Variants in PPFIA2 observed in about 807,000 individuals in gnomAD.
The protein encoded by PPFIA2 is liprin-alpha-2.
PPFIA2 carries 46 observed loss-of-function variants against 175.5 expected under a neutral mutation model. That is an observed-to-expected ratio of 0.26 (90% confidence interval 0.21 to 0.34). PPFIA2 has a LOEUF of 0.34. PPFIA2 is among the 10% of genes least tolerant of loss of function. The probability of loss-of-function intolerance (pLI) is 1.00; values close to 1 mark genes in which losing one functional copy is unlikely to be tolerated. For missense variants in PPFIA2, 1,179 were observed against 1,506.1 expected (o/e 0.78, Z 3.60); for synonymous variants, 568 against 511.4 (o/e 1.11, Z -1.49).
chr12:81,381,983 C>A (rs530878013), intron 9 of PPFIA2, among the ~76,000 whole-genome samples: 1 of 151,984 alleles, frequency 6.6e-6, no homozygotes, highest in Non-Finnish European at 1.5e-5. Context: ...AAGAAAAAAA[C>A]CCTAGCTCTT....
chr12:81,723,362 T>C (rs780095814), intron 3 of PPFIA2, among the ~76,000 whole-genome samples: 1 of 151,132 alleles, frequency 6.6e-6, no homozygotes, highest in Non-Finnish European at 1.5e-5. Context: ...AATGAAATGA[T>C]ATATGACACA....
At chr12:81,758,942 A>G (rs1226787812) in intron 1 of PPFIA2, among the ~76,000 whole-genome samples, 1 of 152,032 alleles carries the variant, frequency 6.6e-6, no homozygotes, top group Admixed American at 6.5e-5. Flanking sequence ...AGTATCTGGG[A>G]GAGAAGTTCT....
chr12:81,383,431 T>C (rs953608419), intron 9 of PPFIA2, among the ~76,000 whole-genome samples: 1 of 152,076 alleles, frequency 6.6e-6, no homozygotes, highest in Non-Finnish European at 1.5e-5. Flanking sequence ...AAACATCTCC[T>C]AGTATTTTTT....
chr12:81,624,330 T>C (rs1005326459), intron 4 of PPFIA2, among the ~76,000 whole-genome samples: 2 of 150,702 alleles, frequency 1.3e-5, no homozygotes, highest in African/African-American at 4.9e-5. Context: ...ACCAGTCCAA[T>C]CCTATAATCT....
intron 15 of PPFIA2, among the ~76,000 whole-genome samples, chr12:81,360,081 C>A (rs1046421535): frequency 2.0e-5 from 3 of 151,868 alleles, no homozygotes; most frequent in African/African-American, 7.2e-5. Flanking sequence ...GTTTTAAGGT[C>A]TCAGTTTAAA....
chr12:81,372,708 C>T (rs554921184), intron 11 of PPFIA2, among the ~76,000 whole-genome samples: 96 of 150,628 alleles, frequency 6.4e-4, no homozygotes, highest in African/African-American at 2.2e-3. Context: ...AAGGAGCTTT[C>T]ATAATGAATA....
At chr12:81,371,338 T>C (rs985833281) in intron 11 of PPFIA2, among the ~76,000 whole-genome samples, 1 of 29,942 alleles carries the variant, frequency 3.3e-5, no homozygotes, top group African/African-American at 1.3e-4. Flanking sequence ...TGGATCAAAA[T>C]GTTGTTGAAA....
chr12:81,565,556 T>C (rs11114915), intron 4 of PPFIA2, among the ~76,000 whole-genome samples: 15,049 of 152,194 alleles, frequency 0.099, 895 homozygotes, highest in Middle Eastern at 0.18. Context: ...CACTAACTAA[T>C]ACAACTGCAT....
chr12:81,517,216 C>T lies in PPFIA2; in HGVS notation c.304-59350G>A, dbSNP rs566510721. On this transcript the variant is annotated intron_variant, in intron 4 of 32. Transcript: ENST00000549396. ...TTGTCACACATGTTAAATGTCTTAC[C>T]GAATCACTGGTAGGGATGATTAAAT... Among the ~76,000 whole-genome samples, 11 of 151,306 alleles carry T rather than the reference C, an allele frequency of 7.3e-5. No homozygotes were observed. The South Asian group carries it at 1.3e-3, about 17-fold the overall frequency.
chr12:81,519,132 A>G (rs956705369), intron 4 of PPFIA2, among the ~76,000 whole-genome samples: 1 of 152,180 alleles, frequency 6.6e-6, no homozygotes, highest in Admixed American at 6.5e-5. Flanking sequence ...TACCTTTTAA[A>G]TGGAAATTAC....
chr12:81,629,990 T>C (rs2063178396), intron 4 of PPFIA2, among the ~76,000 whole-genome samples: 1 of 152,176 alleles, frequency 6.6e-6, no homozygotes, highest in Non-Finnish European at 1.5e-5. Flanking sequence ...ACAAAGTTTC[T>C]TATAAGAGAG....
chr12:81,561,356 T>C (rs1189996250), intron 4 of PPFIA2, among the ~76,000 whole-genome samples: 4 of 152,198 alleles, frequency 2.6e-5, no homozygotes, highest in African/African-American at 4.8e-5. Flanking sequence ...GGCTTTTTAA[T>C]ATGATAGGCA....
At chr12:81,457,924 T>C (rs1197098383) in intron 4 of PPFIA2, 58 bp from the exon 5 acceptor site, 14 of 1,179,366 alleles carry the variant, frequency 1.2e-5, no homozygotes, top group Non-Finnish European at 1.3e-5. Flanking sequence ...CAGAAAAAAA[T>C]TCAAAATATA....
At chr12:81,493,499 T>C (rs982030041) in intron 4 of PPFIA2, among the ~76,000 whole-genome samples, 1 of 151,860 alleles carries the variant, frequency 6.6e-6, no homozygotes, top group Non-Finnish European at 1.5e-5. Context: ...CTCTGAGAAA[T>C]AGCCCTGAGG....
At chr12:81,579,822 A>G (rs776947857) in intron 4 of PPFIA2, among the ~76,000 whole-genome samples, 1 of 151,852 alleles carries the variant, frequency 6.6e-6, no homozygotes. Flanking sequence ...CCAATTTGTG[A>G]TATTTTTGCA....
At chr12:81,744,307 T>C (rs2082736408) in intron 3 of PPFIA2, among the ~76,000 whole-genome samples, 1 of 152,114 alleles carries the variant, frequency 6.6e-6, no homozygotes, top group Non-Finnish European at 1.5e-5. Context: ...CCTTAAGTAA[T>C]TAAATTCAGT....
intron 4 of PPFIA2, among the ~76,000 whole-genome samples, chr12:81,674,256 C>T (rs1376516523): frequency 6.6e-6 from 1 of 152,026 alleles, no homozygotes; most frequent in African/African-American, 2.4e-5. Context: ...TCACTCAATA[C>T]TTGATGTATT....
At chr12:81,661,711 T>C (rs368928611) in intron 4 of PPFIA2, among the ~76,000 whole-genome samples, 1 of 152,160 alleles carries the variant, frequency 6.6e-6, no homozygotes, top group East Asian at 1.9e-4. Flanking sequence ...AATAGACATC[T>C]ACAGAACTCT....
chr12:81,717,112 T>A (rs901613301), intron 3 of PPFIA2, among the ~76,000 whole-genome samples: 12 of 151,674 alleles, frequency 7.9e-5, no homozygotes, highest in African/African-American at 2.9e-4. Flanking sequence ...AGCAAATATT[T>A]TAGTCTATGT....
Sources: allele counts gnomAD v4.1 joint callset (sites outside exome capture counted in the v4.1 genomes callset), GRCh38; gene constraint gnomAD v4.1.1; transcripts MANE v1.5; gene names NCBI Gene and HGNC (gene_info 2026-07-23, HGNC 2026-07-21).